Variants in KCNRG observed in about 807,000 individuals in gnomAD.
KCNRG encodes potassium channel regulator, also known as potassium channel regulatory protein.
In KCNRG, 17 loss-of-function variants were observed where a neutral mutation model predicts 17.7. The observed-to-expected ratio is 0.96, with a 90% CI of 0.66 to 1.44. The LOEUF (loss-of-function observed/expected upper bound fraction) is 1.44. Ranked by LOEUF, KCNRG falls within the 40% of genes most tolerant of loss-of-function variation. The pLI is 0.00. For synonymous variants in KCNRG, 97 were observed against 116.5 expected, an observed-to-expected ratio of 0.83 and a Z score of 1.08; for missense variants, 311 against 321.1, an observed-to-expected ratio of 0.97 and a Z score of 0.24.
In KCNRG at chr13:50,020,267, T is replaced by G. The variant is rs1031595597; in HGVS notation, c.632T>G (p.Leu211Arg). The G allele has an allele frequency of 1.2e-6, 2 of 1,613,914 alleles. No homozygotes were observed. The highest frequency in any genetic ancestry group is 1.3e-5 in the African/African-American group (1 of 74,930). Residue 211 changes from leucine (L) to arginine (R), a missense_variant, in exon 2 of 2, where the codon CTC (leucine) becomes CGC (arginine). Leu to Arg is a moderately radical substitution (Grantham distance 102). Coordinates refer to ENST00000312942, the MANE Select transcript of KCNRG (RefSeq NM_173605.2). ...NRKLANGTNV[L>R]GLLIDTLLKE... ...AAATTGGCCAACGGAACAAATGTCCTCGGCTTACTGATTGACACTTTATTA... is the reference window on the plus strand; with the variant it reads ...AAATTGGCCAACGGAACAAATGTCCGCGGCTTACTGATTGACACTTTATTA...
In KCNRG at chr13:50,020,628, C is replaced by T; in HGVS notation, c.*174C>T. The T allele has an allele frequency of 1.7e-6, 1 of 605,672 alleles. No individual in the cohort carries two copies. Among genetic ancestry groups the T allele is most frequent in the South Asian group, 2.0e-5 (1 of 49,942 alleles). The allele number at this position is 605,672 out of a possible 1,614,324, so 37.5% of individuals were successfully genotyped here. A position where few individuals can be genotyped will look rare whatever the true frequency, so the allele number is the denominator to read the frequency against. On this transcript the variant is annotated 3_prime_UTR_variant, in exon 2 of 2. Transcript: ENST00000312942. ...CTTAAGCCATAATGCCTGCTGCTCTCTAGACAACTCCATGTACTTGGTGCT... is the reference window on the plus strand; with the variant it reads ...CTTAAGCCATAATGCCTGCTGCTCTTTAGACAACTCCATGTACTTGGTGCT...
intron 1 of KCNRG, among the ~76,000 whole-genome samples, chr13:50,019,272 G>T (rs1876992715): frequency 6.6e-6 from 1 of 151,930 alleles, no homozygotes; most frequent in Non-Finnish European, 1.5e-5. Flanking sequence ...TCTGTGTACT[G>T]CATTTGTTCT....
chr13:50,015,455 T>G lies in KCNRG; in HGVS notation c.-39T>G. ...TATGGTTATAGGTTGATTTCCTAAG[T>G]GTGGCTGATGGTAGCCTCTAGTTTG... On this transcript the variant is annotated 5_prime_UTR_variant, in exon 1 of 2. Transcript: ENST00000312942. The G allele has an allele frequency of 7.0e-7, 1 of 1,428,490 alleles. No individual in the cohort carries two copies. Among genetic ancestry groups the G allele is most frequent in the Non-Finnish European group, 9.7e-7 (1 of 1,030,792 alleles). 88.5% of individuals were successfully genotyped at this position (1,428,490 alleles called of 1,614,324 possible).
Position 50,020,854 on chromosome 13 carries a change from T to G in KCNRG, c.*400T>G, listed in dbSNP as rs1877121248. On this transcript the variant is annotated 3_prime_UTR_variant, in exon 2 of 2. Transcript: ENST00000312942. ...TCTATGCATGCAACAAAATGCCACG[T>G]GTACCCCATAAATATGTAGAAATAT... is the stretch of plus-strand genomic sequence containing the variant. 2 of 164,198 alleles carry G rather than the reference T, an allele frequency of 1.2e-5. No homozygotes were observed. The highest frequency in any genetic ancestry group is 3.3e-4 in the South Asian group (2 of 6,080). The allele number at this position is 164,198 out of a possible 1,614,324, so 10.2% of individuals were successfully genotyped here.
In KCNRG at chr13:50,020,871, T is replaced by C. The variant is rs1566454664; in HGVS notation, c.*417T>C. 1 of 157,484 alleles carries C rather than the reference T, an allele frequency of 6.3e-6. No individual in the cohort carries two copies. The highest frequency in any genetic ancestry group is 1.4e-5 in the Non-Finnish European group (1 of 70,934). 9.8% of individuals were successfully genotyped at this position (157,484 alleles called of 1,614,324 possible). A position where few individuals can be genotyped will look rare whatever the true frequency, so the allele number is the denominator to read the frequency against. ...ATGCCACGTGTACCCCATAAATATG[T>C]AGAAATATTATATGTAAATAAATAG... On this transcript the variant is annotated 3_prime_UTR_variant, in exon 2 of 2. Transcript: ENST00000312942.
intron 1 of KCNRG, chr13:50,016,611 C>T (rs1486479195): frequency 6.6e-5 from 11 of 167,396 alleles, no homozygotes. Flanking sequence ...TCTTAAACAA[C>T]TCAAAATATT....
At position 50,020,719 on chromosome 13, in the gene KCNRG, G is replaced by A. The variant is rs1045738987; in HGVS notation, c.*265G>A. On this transcript the variant is annotated 3_prime_UTR_variant, in exon 2 of 2. Coordinates refer to ENST00000312942, the MANE Select transcript of KCNRG (RefSeq NM_173605.2). ...TTCTTCATGAATGCTTATGAGCCGA[G>A]ATTGCGCCACTGCACACTAGCTTGG... The A allele has an allele frequency of 3.7e-5, 13 of 355,812 alleles. No individual in the cohort carries two copies. Among genetic ancestry groups the A allele is most frequent in the Admixed American group, 1.6e-4 (4 of 24,300 alleles). 22.0% of individuals were successfully genotyped at this position (355,812 alleles called of 1,614,324 possible).
rs1363124863 is a variant in KCNRG at position 50,015,487 on chromosome 13, G to C, written c.-7G>C. On this transcript the variant is annotated 5_prime_UTR_variant, in exon 1 of 2. Transcript: ENST00000312942. ...GATGGTAGCCTCTAGTTTGAAGTGAGGGAAGAATGAGTAGTCAGGAACTGG... is the reference window on the plus strand; with the variant it reads ...GATGGTAGCCTCTAGTTTGAAGTGACGGAAGAATGAGTAGTCAGGAACTGG... 2 of 1,594,830 alleles carry C rather than the reference G, an allele frequency of 1.3e-6. No homozygotes were observed. Among genetic ancestry groups the C allele is most frequent in the Non-Finnish European group, 1.7e-6 (2 of 1,168,030 alleles).
Position 50,015,730 on chromosome 13 carries a change from T to A in KCNRG, c.237T>A (p.Tyr79Ter). ...TATTACCCACTGAATTTTCAGACTA[T>A]CTTAGGCTTCAGAGAGAGGCTCTTT... ...QLLLPTEFSDYLRLQREALFY... is the reference protein window; with the variant it reads ...QLLLPTEFSD Residue 79 changes from tyrosine (Y) to a stop codon, truncating the protein, a stop_gained, in exon 1 of 2, where the codon TAT becomes TAA. Coordinates refer to ENST00000312942, the MANE Select transcript of KCNRG (RefSeq NM_173605.2). LOFTEE classifies it high-confidence loss of function. 3.7e-6 allele frequency: 6 copies of A among 1,614,126 alleles called. No homozygotes were observed. The highest frequency in any genetic ancestry group is 5.1e-6 in the Non-Finnish European group (6 of 1,179,978).
chr13:50,015,464 T>TGGTA lies in KCNRG; in HGVS notation c.-28_-25dup, dbSNP rs1299361874. The TGGTA allele has an allele frequency of 6.7e-7, 1 of 1,499,064 alleles. No individual in the cohort carries two copies. The highest frequency in any genetic ancestry group is 1.4e-5 in the African/African-American group (1 of 71,930). 92.9% of individuals were successfully genotyped at this position (1,499,064 alleles called of 1,614,324 possible). A position where few individuals can be genotyped will look rare whatever the true frequency, so the allele number is the denominator to read the frequency against. ...AGGTTGATTTCCTAAGTGTGGCTGATGGTAGCCTCTAGTTTGAAGTGAGGG... is the reference window on the plus strand; with the variant it reads ...AGGTTGATTTCCTAAGTGTGGCTGATGGTAGGTAGCCTCTAGTTTGAAGTGAGGG... On this transcript the variant is annotated 5_prime_UTR_variant, in exon 1 of 2. It introduces an in-frame stop codon into an upstream open reading frame of the 5' UTR. Coordinates refer to ENST00000312942, the MANE Select transcript of KCNRG (RefSeq NM_173605.2).
Position 50,015,847 on chromosome 13 carries a change from C to G in KCNRG, c.354C>G (p.Asn118Lys). The G allele has an allele frequency of 1.9e-6, 3 of 1,614,104 alleles. No homozygotes were observed. Among genetic ancestry groups the G allele is most frequent in the Non-Finnish European group, 1.7e-6 (2 of 1,179,944 alleles). The stretch of plus-strand genomic sequence containing the variant: ...TGGAGGTACATTTCCTAAGCCGGAA[C>G]ACTCAAGCTTTTTTCAGGGTGTTTG... ...ALVEVHFLSR[N>K]TQAFFRVFGS... is the part of the protein sequence containing the mutation. Residue 118 changes from asparagine to lysine, a missense_variant, in exon 1 of 2, where the codon AAC becomes AAG. Physicochemically the swap from Asn to Lys is moderately conservative, Grantham distance 94. Coordinates refer to ENST00000312942, the MANE Select transcript of KCNRG (RefSeq NM_173605.2).
At position 50,015,955 on chromosome 13, in the gene KCNRG, T is replaced by G; in HGVS notation, c.462T>G (p.Gly154=). The change falls in exon 1 of 2, where the codon GGT becomes GGG. Residue 154 remains glycine (G), a synonymous_variant. Coordinates refer to ENST00000312942, the MANE Select transcript of KCNRG (RefSeq NM_173605.2). ...TEQPSAPTWN[G]NFFPPQMTLL... The stretch of plus-strand genomic sequence containing the variant: ...AACCTTCAGCGCCGACCTGGAATGG[T>G]AACTTTTTCCCTCCTCAGATGACCT... 1.2e-6 allele frequency: 2 copies of G among 1,614,122 alleles called. No individual in the cohort carries two copies. The highest frequency in any genetic ancestry group is 1.7e-6 in the Non-Finnish European group (2 of 1,179,972).
Position 50,020,543 on chromosome 13 carries a change from G to T in KCNRG, c.*89G>T. The T allele has an allele frequency of 1.4e-6, 2 of 1,394,838 alleles. No individual in the cohort carries two copies. The highest frequency in any genetic ancestry group is 2.0e-6 in the Non-Finnish European group (2 of 1,015,568). 86.4% of individuals were successfully genotyped at this position (1,394,838 alleles called of 1,614,324 possible). On this transcript the variant is annotated 3_prime_UTR_variant, in exon 2 of 2. Coordinates refer to ENST00000312942, the MANE Select transcript of KCNRG (RefSeq NM_173605.2). ...TACATGTTAGCCAAATCTACACTCA[G>T]CCTAACTCTTGGCTTCATCTGCTGC...
intron 1 of KCNRG, among the ~76,000 whole-genome samples, chr13:50,019,996 C>A (rs1258433972): frequency 1.3e-5 from 2 of 151,354 alleles, no homozygotes; most frequent in Non-Finnish European, 2.9e-5. Context: ...CAAGATCACA[C>A]CACTACACAC....
chr13:50,020,920 TTA>T (rs948445628), exon 2 of KCNRG: 1 of 153,634 alleles, frequency 6.5e-6, no homozygotes, highest in African/African-American at 2.4e-5. Context: ...ATTTTCCCAC[TTA>T]TGTTTGTTTC....
intron 1 of KCNRG, chr13:50,017,596 T>G (rs1042651508): frequency 2.4e-5 from 4 of 166,990 alleles, no homozygotes; most frequent in Non-Finnish European, 5.9e-5. Context: ...CAAATGGTAT[T>G]CAATTGTTTG....
chr13:50,015,875 T>C lies in KCNRG; in HGVS notation c.382T>C (p.Ser128Pro). ...NTQAFFRVFG[S>P]CSKTIEMLTG... Reference sequence around the variant, plus strand: ...TCAAGCTTTTTTCAGGGTGTTTGGCTCTTGCAGCAAAACAATTGAGATGCT... The same window carrying C: ...TCAAGCTTTTTTCAGGGTGTTTGGCCCTTGCAGCAAAACAATTGAGATGCT... Residue 128 changes from serine (S) to proline (P), a missense_variant, in exon 1 of 2, where the codon TCT (serine) becomes CCT (proline). Coordinates refer to ENST00000312942, the MANE Select transcript of KCNRG (RefSeq NM_173605.2). 2 of 1,614,142 alleles carry C rather than the reference T, an allele frequency of 1.2e-6. No individual in the cohort carries two copies. Among genetic ancestry groups the C allele is most frequent in the Non-Finnish European group, 1.7e-6 (2 of 1,179,986 alleles).
Position 50,015,460 on chromosome 13 carries a change from C to A in KCNRG, c.-34C>A. ...TTATAGGTTGATTTCCTAAGTGTGG[C>A]TGATGGTAGCCTCTAGTTTGAAGTG... On this transcript the variant is annotated 5_prime_UTR_variant, in exon 1 of 2. It adds an upstream start codon to the 5' untranslated region. Transcript: ENST00000312942. 1 of 1,471,918 alleles carries A rather than the reference C, an allele frequency of 6.8e-7. No individual in the cohort carries two copies. The highest frequency in any genetic ancestry group is 9.4e-7 in the Non-Finnish European group (1 of 1,068,114). 91.2% of individuals were successfully genotyped at this position (1,471,918 alleles called of 1,614,324 possible). A position where few individuals can be genotyped will look rare whatever the true frequency, so the allele number is the denominator to read the frequency against.
intron 1 of KCNRG, chr13:50,016,926 G>A (rs1329810123): frequency 6.0e-6 from 1 of 165,392 alleles, no homozygotes; most frequent in Non-Finnish European, 1.5e-5. Context: ...TTGAGCAGTA[G>A]CCAACAGGAA....
Sources: allele counts gnomAD v4.1 joint callset (sites outside exome capture counted in the v4.1 genomes callset), GRCh38; gene constraint gnomAD v4.1.1; transcripts MANE v1.5; gene names NCBI Gene and HGNC (gene_info 2026-07-23, HGNC 2026-07-21).